PIWIL1: variants seen among roughly 807,000 people sequenced by gnomAD.
The protein encoded by PIWIL1 is piwi like RNA-mediated gene silencing 1, also known as piwi-like protein 1.
A neutral mutation model predicts 114.4 loss-of-function variants in PIWIL1; 73 were observed. That is an observed-to-expected ratio of 0.64 (90% CI 0.53 to 0.78). The LOEUF (loss-of-function observed/expected upper bound fraction) is 0.78, where lower values mean the gene tolerates loss of function less well. PIWIL1 is among the 30% of genes least tolerant of loss of function. The pLI is 0.00. For synonymous variants in PIWIL1, 375 were observed against 369.0 expected (o/e 1.02, Z -0.19); for missense variants, 723 against 1,063.1 (o/e 0.68, Z 4.45).
At chr12:130,402,155 C>T in the PIWIL1 span, among the ~76,000 whole-genome samples, 1 of 152,196 alleles carries the variant, frequency 6.6e-6, no homozygotes, top group South Asian at 2.1e-4. Context: ...CGTGCTACTG[C>T]GTCCAAAGTG....
At chr12:130,340,478 C>CA (rs2072878472) in intron 1 of PIWIL1, among the ~76,000 whole-genome samples, 1 of 151,968 alleles carries the variant, frequency 6.6e-6, no homozygotes, top group African/African-American at 2.4e-5. Flanking sequence ...GCCGACTTCA[C>CA]AGTAGGGTTC....
chr12:130,365,453 G>A (rs537003587), intron 18 of PIWIL1, among the ~76,000 whole-genome samples: 16 of 152,258 alleles, frequency 1.1e-4, no homozygotes, highest in African/African-American at 3.9e-4. Flanking sequence ...TGTACATAAA[G>A]GTAAAATATC....
chr12:130,412,905 AC>A, the PIWIL1 span: 2 of 953,644 alleles, frequency 2.1e-6, no homozygotes, highest in Non-Finnish European at 3.0e-6. Context: ...GTTTAAAAAT[AC>A]CATAAATCAC....
At chr12:130,423,161 G>A in the PIWIL1 span, among the ~76,000 whole-genome samples, 1 of 152,192 alleles carries the variant, frequency 6.6e-6, no homozygotes, top group Non-Finnish European at 1.5e-5. Flanking sequence ...TTAGATCAGG[G>A]TTAGGATTGA....
Position 130,363,127 on chromosome 12 carries a change from C to T in PIWIL1, c.2178C>T (p.Ser726=). 1.9e-6 allele frequency: 3 copies of T among 1,614,106 alleles called. No individual in the cohort carries two copies. Among genetic ancestry groups the T allele is most frequent in the Non-Finnish European group, 2.5e-6 (3 of 1,180,004 alleles). ...EVPQFLDCLK[S]IGRGYNPRLT... ...CACAGTTTTTGGATTGTCTAAAATC[C>T]ATTGGTAGAGGTTACAAGTAAGCAT... Residue 726 remains serine, a synonymous_variant, in exon 18 of 21, where the codon TCC becomes TCT. Coordinates refer to ENST00000245255, the MANE Select transcript of PIWIL1 (RefSeq NM_004764.5).
intron 9 of PIWIL1, chr12:130,351,435 G>A (rs2073207848): frequency 6.6e-6 from 1 of 152,176 alleles, no homozygotes; most frequent in Non-Finnish European, 1.5e-5. Flanking sequence ...TCCAGTTCCA[G>A]CCTAGACTTG....
At chr12:130,371,421 G>A in intron 20 of PIWIL1, 61 bp from the exon 21 acceptor site, 1 of 1,608,506 alleles carries the variant, frequency 6.2e-7, no homozygotes, top group Non-Finnish European at 8.5e-7. Context: ...TTAATACTGA[G>A]ATTTGCAATT....
chr12:130,374,553 G>A (rs1038127257), downstream of PIWIL1, among the ~76,000 whole-genome samples: 8 of 152,140 alleles, frequency 5.3e-5, no homozygotes, highest in South Asian at 1.2e-3. Context: ...ATTCAAAGGA[G>A]GCTCCATGGC....
chr12:130,373,179 G>A (rs544537338), downstream of PIWIL1, among the ~76,000 whole-genome samples: 2 of 152,342 alleles, frequency 1.3e-5, no homozygotes, highest in African/African-American at 4.8e-5. Flanking sequence ...AGAACAGTGT[G>A]ACCTTCAAAA....
At chr12:130,424,739 G>A in the PIWIL1 span, 28 of 1,232,264 alleles carry the variant, frequency 2.3e-5, no homozygotes, top group Non-Finnish European at 2.8e-5. This position sits in a 1 kb window ranked among gnomAD's most constrained non-coding sequence, Gnocchi z 9.8. Flanking sequence ...GCAGCCCACA[G>A]CACTCTCCGT....
intron 1 of PIWIL1, among the ~76,000 whole-genome samples, chr12:130,338,918 C>T (rs1442722944): frequency 7.3e-6 from 1 of 137,152 alleles, no homozygotes; most frequent in Non-Finnish European, 1.6e-5. Context: ...GGGTGAGAGG[C>T]TGAGGCCTGA....
downstream of PIWIL1, among the ~76,000 whole-genome samples, chr12:130,377,024 C>T (rs1357143352): frequency 1.3e-5 from 2 of 152,150 alleles, no homozygotes; most frequent in Non-Finnish European, 1.5e-5. Flanking sequence ...ACAGGGAAGC[C>T]CTCTGTGACC....
chr12:130,354,172 ATAGTTTTAGAGGAAT>A (rs1329993649), intron 9 of PIWIL1, among the ~76,000 whole-genome samples: 3 of 152,154 alleles, frequency 2.0e-5, no homozygotes, highest in Non-Finnish European at 4.4e-5. Flanking sequence ...GTAACAGAGA[ATAGTTTTAGAGGAAT>A]CATCCTATGG....
intron 18 of PIWIL1, among the ~76,000 whole-genome samples, chr12:130,363,648 C>CGCT (rs1565954171): frequency 9.0e-6 from 1 of 111,018 alleles, no homozygotes; most frequent in East Asian, 3.0e-4. Flanking sequence ...GATGGAGTCT[C>CGCT]GCTCTGTTGC....
chr12:130,405,554 G>A, the PIWIL1 span, among the ~76,000 whole-genome samples: 1 of 152,064 alleles, frequency 6.6e-6, no homozygotes, highest in Non-Finnish European at 1.5e-5. Flanking sequence ...CGGAAACTCT[G>A]AGATAACCCC....
At chr12:130,357,955 G>T (rs2073409992) in intron 14 of PIWIL1, among the ~76,000 whole-genome samples, 1 of 152,238 alleles carries the variant, frequency 6.6e-6, no homozygotes, top group Admixed American at 6.5e-5. Flanking sequence ...GGGAAGAGTA[G>T]GGTCGCAGAG....
the PIWIL1 span, chr12:130,414,322 G>A: frequency 2.6e-6 from 4 of 1,566,108 alleles, no homozygotes. Context: ...AGCAAGTGGG[G>A]GTGAAGAACA....
chr12:130,394,797 A>G, the PIWIL1 span, among the ~76,000 whole-genome samples: 1 of 142,560 alleles, frequency 7.0e-6, no homozygotes. Flanking sequence ...AGTGTTAGCG[A>G]GAGGATAGAA....
the PIWIL1 span, among the ~76,000 whole-genome samples, chr12:130,395,745 G>T: frequency 6.6e-6 from 1 of 152,190 alleles, no homozygotes; most frequent in Non-Finnish European, 1.5e-5. Context: ...TGGTTACTTG[G>T]AGAATTCTAA....
Sources: allele counts gnomAD v4.1 joint callset (sites outside exome capture counted in the v4.1 genomes callset), GRCh38; gene constraint gnomAD v4.1.1; non-coding constraint Gnocchi (gnomAD v3.1); transcripts MANE v1.5; gene names NCBI Gene and HGNC (gene_info 2026-07-23, HGNC 2026-07-21).